Variants in KCNH2 observed in about 807,000 individuals in gnomAD.
KCNH2 encodes the protein voltage-gated inwardly rectifying potassium channel KCNH2.
A neutral mutation model predicts 95.9 loss-of-function variants in KCNH2; 35 were observed. That is an observed-to-expected ratio of 0.37 (90% CI 0.28 to 0.48). The LOEUF (loss-of-function observed/expected upper bound fraction) is 0.48. Ranked by LOEUF, KCNH2 falls within the 20% of genes least tolerant of loss-of-function variation. The pLI is 0.99. For missense variants in KCNH2, 1,274 were observed against 1,702.9 expected (o/e 0.75, Z 4.43); for synonymous variants, 786 against 754.7 (o/e 1.04, Z -0.68).
rs41307316 is a variant in KCNH2, at chr7:150,959,494, G to A, written c.472+78C>T. On this transcript the variant is annotated intron_variant, in intron 3 of 14. Transcript: ENST00000262186. ...ATTACATCCTCCCTTCCTGCAGAGC[G>A]TTGACCTTGGACAGCTCACAGCCCC... is the stretch of plus-strand genomic sequence containing the variant. 55,115 of 1,535,482 alleles carry A rather than the reference G, an allele frequency of 0.036. 1,500 individuals carry two copies. Among genetic ancestry groups the A allele is most frequent in the African/African-American group, 0.12 (8,581 of 73,248 alleles).
Position 150,946,804 on chromosome 7 carries a change from G to A in KCNH2, c.3330+73C>T. 2 of 1,413,242 alleles carry A rather than the reference G, an allele frequency of 1.4e-6. No individual in the cohort carries two copies. The highest frequency in any genetic ancestry group is 2.0e-6 in the Non-Finnish European group (2 of 1,022,174). 87.5% of individuals were successfully genotyped at this position (1,413,242 alleles called of 1,614,324 possible). ...GGCCACAGAGCCCAGCAGAAAGGCA[G>A]CAAAGCAGGTTTGGGCTGGAATCGG... On this transcript the variant is annotated intron_variant, in intron 14 of 14. Transcript: ENST00000262186. This position sits in a 1 kb window ranked among gnomAD's most constrained non-coding sequence, Gnocchi z 6.5.
Position 150,958,427 on chromosome 7 carries a change from C to A in KCNH2, c.548G>T (p.Gly183Val). The A allele has an allele frequency of 6.9e-7, 1 of 1,448,318 alleles. No individual in the cohort carries two copies. 89.7% of individuals were successfully genotyped at this position (1,448,318 alleles called of 1,614,324 possible). ...CGGGGCGCCCGCGCCGCCCGCGCCG[C>A]CCGACCGCACCGACGACTCCCGGGC... Reference protein sequence around the residue: ...LTARESSVRSGGAGGAGAPGA... With the variant: ...LTARESSVRSVGAGGAGAPGA... Residue 183 changes from glycine (G) to valine (V), a missense_variant, in exon 4 of 15, where the codon GGC becomes GTC. By Grantham distance (109) the Gly-to-Val change is moderately radical. Around this residue, in one of 7 missense-constraint regions of KCNH2, gnomAD observed 392 missense variants for 429.9 expected, o/e 0.91. Transcript: ENST00000262186.
chr7:150,957,450 G>A lies in KCNH2; in HGVS notation c.969C>T (p.Asp323=), dbSNP rs762912817. The change falls in exon 5 of 15, where the codon GAC becomes GAT. Residue 323 remains aspartate (D), a synonymous_variant. Transcript: ENST00000262186. ...TGCTAATGGTGCGGTAGCGCACGAG[G>A]TCGGAGTCCGAGGTGGAGTTGAGCA... ...SGLLNSTSDS[D]LVRYRTISKI... 6.2e-6 allele frequency: 10 copies of A among 1,614,108 alleles called. No individual in the cohort carries two copies. The highest frequency in any genetic ancestry group is 3.3e-5 in the Admixed American group (2 of 60,012).
chr7:150,970,982 C>T (rs10236214), intron 2 of KCNH2, among the ~76,000 whole-genome samples: 109,978 of 152,074 alleles, frequency 0.72, 40,578 homozygotes, highest in East Asian at 0.96. Flanking sequence ...AGCTCAGACC[C>T]AGGGGGCTGA....
intron 2 of KCNH2, among the ~76,000 whole-genome samples, chr7:150,965,524 C>A (rs561295819): frequency 2.4e-4 from 36 of 152,312 alleles, no homozygotes; most frequent in Admixed American, 1.2e-3. Context: ...TGCACAGGCG[C>A]GTGAGTCCCG....
chr7:150,956,109 C>T (rs988410949), intron 5 of KCNH2, among the ~76,000 whole-genome samples: 104 of 152,282 alleles, frequency 6.8e-4, no homozygotes, highest in African/African-American at 2.5e-3. Flanking sequence ...AACACACACG[C>T]CTGCCGACAC....
intron 11 of KCNH2, 21 bp downstream of exon 11, chr7:150,948,423 T>TCCCCCCCCCCCCCCCCCCCC: frequency 5.6e-6 from 5 of 894,058 alleles, no homozygotes; most frequent in Admixed American, 4.2e-5. Flanking sequence ...CCCTCCCCCT[T>TCCCCCCCCCCCCCCCCCCCC]CCTCCCCTCC....
intron 2 of KCNH2, among the ~76,000 whole-genome samples, chr7:150,972,276 C>G (rs956420143): frequency 3.3e-5 from 5 of 152,250 alleles, no homozygotes; most frequent in East Asian, 3.8e-4. Context: ...TCCCCCTACC[C>G]GAGGCTGGCC....
At chr7:150,964,516 C>T (rs1801651020) in intron 2 of KCNH2, among the ~76,000 whole-genome samples, 2 of 152,336 alleles carry the variant, frequency 1.3e-5, no homozygotes, top group South Asian at 4.1e-4. Flanking sequence ...GGGCAGGTCA[C>T]CCACCTCCCT....
intron 1 of KCNH2, among the ~76,000 whole-genome samples, chr7:150,976,018 G>A (rs1002739181): frequency 1.3e-5 from 2 of 152,244 alleles, no homozygotes; most frequent in Non-Finnish European, 1.5e-5. Context: ...GAGCCAGGCT[G>A]GCGAGTGAGC....
chr7:150,977,281 C>A (rs898357445), intron 1 of KCNH2, among the ~76,000 whole-genome samples: 1 of 152,180 alleles, frequency 6.6e-6, no homozygotes, highest in South Asian at 2.1e-4. Flanking sequence ...AAAGACACCT[C>A]CCCACCGCCC....
chr7:150,975,093 C>G, intron 1 of KCNH2, 152 bp from the exon 2 acceptor site: 1 of 679,684 alleles, frequency 1.5e-6, no homozygotes, highest in South Asian at 2.0e-5. Context: ...GGGGCGAACG[C>G]AGCTGTGCGT....
At position 150,974,895 on chromosome 7, in the gene KCNH2, G is replaced by T; in HGVS notation, c.123C>A (p.Val41=). Residue 41 remains valine (V), a synonymous_variant, in exon 2 of 15, where the codon GTC becomes GTA. Transcript: ENST00000262186. ...CGCAGAAGCCGTCGTTGCAGTAGAT[G>T]ACGGCGCAGTTCTCCACCCGAGCGT... The part of the protein sequence containing the change: ...IANARVENCA[V]IYCNDGFCEL... 6.2e-7 allele frequency: 1 copy of T among 1,611,598 alleles called. No homozygotes were observed. Among genetic ancestry groups the T allele is most frequent in the Non-Finnish European group, 8.5e-7 (1 of 1,179,286 alleles).
At chr7:150,958,605 G>A in intron 3 of KCNH2, 103 bp from the exon 4 acceptor site, 2 of 920,986 alleles carry the variant, frequency 2.2e-6, no homozygotes, top group South Asian at 2.1e-5. Flanking sequence ...GGAAGGAGGG[G>A]AACGGGCAAC....
intron 7 of KCNH2, 145 bp downstream of exon 7, chr7:150,951,303 A>C: frequency 8.6e-7 from 1 of 1,162,912 alleles, no homozygotes; most frequent in Non-Finnish European, 1.3e-6. Context: ...CTGGTGACCC[A>C]GCCCCCAAAC....
rs1801606640 is a variant in KCNH2 at position 150,962,942 on chromosome 7, C to T, written c.308-3206G>A. ...GCTCCCAGCTCTTCAGCCAGGCCTC[C>T]CAGCCAGACTCCATCCCACCACTGG... is the stretch of plus-strand genomic sequence containing the variant. On this transcript the variant is annotated intron_variant, in intron 2 of 14. Transcript: ENST00000262186. The surrounding 1 kb of genome is among the most constrained non-coding windows in gnomAD (Gnocchi z 5.7). 6.6e-6 allele frequency among the ~76,000 whole-genome samples: 1 copy of T among 152,168 alleles called. No individual in the cohort carries two copies. Among genetic ancestry groups the T allele is most frequent in the Non-Finnish European group, 1.5e-5 (1 of 68,028 alleles).
chr7:150,970,334 A>C (rs1361347596), intron 2 of KCNH2, among the ~76,000 whole-genome samples: 1 of 151,546 alleles, frequency 6.6e-6, no homozygotes, highest in Non-Finnish European at 1.5e-5. Context: ...GCCACCATCA[A>C]ACTCTGCTCC....
In KCNH2 at chr7:150,952,821, C is replaced by T. The variant is rs1801234074; in HGVS notation, c.1161G>A (p.Glu387=). 1.9e-6 allele frequency: 3 copies of T among 1,614,028 alleles called. No individual in the cohort carries two copies. Among genetic ancestry groups the T allele is most frequent in the Non-Finnish European group, 2.5e-6 (3 of 1,179,998 alleles). Residue 387 remains glutamate (E), a synonymous_variant, in exon 6 of 15, where the codon GAG becomes GAA. Transcript: ENST00000262186. The surrounding 1 kb of genome is among the most constrained non-coding windows in gnomAD (Gnocchi z 7.3). ...VLSLGADVLP[E]YKLQAPRIHR... ...GGATGCGCGGTGCCTGCAGCTTGTACTCAGGCAGCACGTCGGCGCCCAGGG... is the reference window on the plus strand; with the variant it reads ...GGATGCGCGGTGCCTGCAGCTTGTATTCAGGCAGCACGTCGGCGCCCAGGG...
chr7:150,974,663 C>T (rs1253857527), intron 2 of KCNH2, 48 bp downstream of exon 2: 1 of 1,461,666 alleles, frequency 6.8e-7, no homozygotes, highest in Admixed American at 2.0e-5. Context: ...TGGTCCCGCC[C>T]CTCTTGACCC....
Sources: allele counts gnomAD v4.1 joint callset (sites outside exome capture counted in the v4.1 genomes callset), GRCh38; gene constraint gnomAD v4.1.1; regional missense constraint gnomAD v4.1.1; non-coding constraint Gnocchi (gnomAD v3.1); transcripts MANE v1.5; gene names NCBI Gene and HGNC (gene_info 2026-07-23, HGNC 2026-07-21).